Variants in POC1A observed in about 807,000 individuals in gnomAD.
POC1A encodes the protein POC1 centriolar protein A, also known as POC1 centriolar protein homolog A.
A neutral mutation model predicts 47.8 loss-of-function variants in POC1A; 34 were observed. That is an observed-to-expected ratio of 0.71 (90% CI 0.54 to 0.95). The LOEUF (loss-of-function observed/expected upper bound fraction) is 0.95. Ranked by LOEUF, POC1A falls within the 40% of genes least tolerant of loss-of-function variation. POC1A has a pLI of 0.00. For missense variants in POC1A, 466 were observed against 528.3 expected (o/e 0.88, Z 1.16); for synonymous variants, 177 against 207.6 (o/e 0.85, Z 1.27).
intron 2 of POC1A, among the ~76,000 whole-genome samples, chr3:52,150,761 G>C (rs570385380): frequency 1.8e-4 from 27 of 152,150 alleles, no homozygotes; most frequent in Admixed American, 6.5e-4. Context: ...AAAAGACCCA[G>C]ATCCCAGTCC....
chr3:52,081,228 C>G (rs1346709109), intron 10 of POC1A, among the ~76,000 whole-genome samples: 1 of 152,228 alleles, frequency 6.6e-6, no homozygotes, highest in Non-Finnish European at 1.5e-5. Flanking sequence ...GACACGCCTG[C>G]TGGCTTCCGT....
At position 52,090,406 on chromosome 3, in the gene POC1A, CT is replaced by C. The variant is rs1435024219; in HGVS notation, c.1125+6162del. The stretch of plus-strand genomic sequence containing the variant: ...GCGTGTTGGGCCTATGCCGGGCCCC[CT>C]CACAGCAGCCTCCCCAGCTCCTGGG... On this transcript the variant is annotated intron_variant, in intron 10 of 10. Coordinates refer to ENST00000296484, the MANE Select transcript of POC1A (RefSeq NM_015426.5). This position sits in a 1 kb window ranked among gnomAD's most constrained non-coding sequence, Gnocchi z 4.2. Among the ~76,000 whole-genome samples, 1 of 152,254 alleles carries C rather than the reference CT, an allele frequency of 6.6e-6. No homozygotes were observed.
At chr3:52,140,319 G>A (rs1205740683) in intron 6 of POC1A, among the ~76,000 whole-genome samples, 1 of 152,216 alleles carries the variant, frequency 6.6e-6, no homozygotes, top group African/African-American at 2.4e-5. Context: ...AGAGGGACCA[G>A]TGGGGTCTCT....
intron 9 of POC1A, among the ~76,000 whole-genome samples, chr3:52,115,038 G>A (rs1201789813): frequency 6.6e-6 from 1 of 152,202 alleles, no homozygotes; most frequent in Non-Finnish European, 1.5e-5. Context: ...AGCTTGAGGC[G>A]TCGGGGGTTT....
intron 2 of POC1A, among the ~76,000 whole-genome samples, chr3:52,150,197 C>T (rs1698512767): frequency 6.6e-6 from 1 of 152,210 alleles, no homozygotes; most frequent in Admixed American, 6.5e-5. Context: ...CCAAGGAGCA[C>T]ACCCACATGG....
chr3:52,120,915 C>T (rs935187610), intron 9 of POC1A, among the ~76,000 whole-genome samples: 7 of 152,240 alleles, frequency 4.6e-5, no homozygotes, highest in African/African-American at 1.7e-4. Context: ...ACATGGGATT[C>T]TCCCCCAGCT....
At chr3:52,137,495 G>A (rs1295962198) in intron 7 of POC1A, among the ~76,000 whole-genome samples, 2 of 152,068 alleles carry the variant, frequency 1.3e-5, no homozygotes, top group African/African-American at 2.4e-5. Context: ...TCTGACGACC[G>A]CTCTGATCAG....
chr3:52,151,601 A>T (rs1393402484), intron 1 of POC1A, among the ~76,000 whole-genome samples: 2 of 143,694 alleles, frequency 1.4e-5, no homozygotes, highest in East Asian at 4.1e-4. Flanking sequence ...ACAGAGCGAG[A>T]CTCCGTCTCA....
At chr3:52,130,001 C>A (rs2107125563) in intron 7 of POC1A, among the ~76,000 whole-genome samples, 1 of 152,334 alleles carries the variant, frequency 6.6e-6, no homozygotes, top group South Asian at 2.1e-4. Flanking sequence ...CGCTCTGCTG[C>A]TCCGGCAGCT....
Position 52,079,449 on chromosome 3 carries a change from TCCC to T in POC1A, c.1126-3467_1126-3465del, listed in dbSNP as rs1301448229. On this transcript the variant is annotated intron_variant, in intron 10 of 10. Coordinates refer to ENST00000296484, the MANE Select transcript of POC1A (RefSeq NM_015426.5). The surrounding 1 kb of genome is among the most constrained non-coding windows in gnomAD (Gnocchi z 4.6). ...TCTGCAGGCAAATACCTCTGCGGCCTCCCCGGGTCCACACTCCATGGCCTGGAA... is the reference window on the plus strand; with the variant it reads ...TCTGCAGGCAAATACCTCTGCGGCCTCGGGTCCACACTCCATGGCCTGGAA... Among the ~76,000 whole-genome samples, 2 of 152,188 alleles carry T rather than the reference TCCC, an allele frequency of 1.3e-5. No individual in the cohort carries two copies. The highest frequency in any genetic ancestry group is 2.1e-4 in the South Asian group (1 of 4,832).
At chr3:52,116,262 A>G (rs1703561363) in intron 9 of POC1A, among the ~76,000 whole-genome samples, 2 of 152,334 alleles carry the variant, frequency 1.3e-5, no homozygotes, top group Non-Finnish European at 2.9e-5. Context: ...GCAGTGCCCC[A>G]AAAATGGAAA....
chr3:52,102,563 G>A (rs1220435745), intron 9 of POC1A, among the ~76,000 whole-genome samples: 4 of 152,332 alleles, frequency 2.6e-5, no homozygotes, highest in Admixed American at 6.5e-5. Flanking sequence ...CTCACCTTGA[G>A]ATTCTTAATT....
At chr3:52,097,620 C>G (rs984838520) in intron 9 of POC1A, among the ~76,000 whole-genome samples, 1 of 152,208 alleles carries the variant, frequency 6.6e-6, no homozygotes, top group Non-Finnish European at 1.5e-5. Context: ...AGCACATGGA[C>G]CCTACCTGCA....
chr3:52,123,487 C>A (rs147552468), intron 8 of POC1A, among the ~76,000 whole-genome samples: 16 of 152,296 alleles, frequency 1.1e-4, no homozygotes, highest in African/African-American at 3.8e-4. Flanking sequence ...CCATCCCTGT[C>A]TGTCAGGACG....
intron 2 of POC1A, among the ~76,000 whole-genome samples, chr3:52,150,671 C>G (rs1698527486): frequency 6.6e-6 from 1 of 152,102 alleles, no homozygotes; most frequent in East Asian, 1.9e-4. Flanking sequence ...GCAACAGAAT[C>G]AGTAAAGCTT....
intron 9 of POC1A, among the ~76,000 whole-genome samples, chr3:52,097,816 T>C (rs1004754420): frequency 2.0e-5 from 3 of 152,242 alleles, no homozygotes; most frequent in African/African-American, 7.2e-5. Flanking sequence ...ATCATCAGCA[T>C]GTCGGCCACT....
chr3:52,137,677 G>A (rs1704526592), intron 7 of POC1A, among the ~76,000 whole-genome samples: 1 of 152,188 alleles, frequency 6.6e-6, no homozygotes, highest in South Asian at 2.1e-4. Context: ...CAGAAAGGAG[G>A]CCTTTGCTTC....
chr3:52,126,174 C>A (rs771241054), intron 7 of POC1A, among the ~76,000 whole-genome samples: 1 of 152,232 alleles, frequency 6.6e-6, no homozygotes, highest in Non-Finnish European at 1.5e-5. Context: ...GTGCAGGGAG[C>A]GGCAAGAGCC....
intron 9 of POC1A, among the ~76,000 whole-genome samples, chr3:52,104,621 C>T (rs1466711541): frequency 6.6e-6 from 1 of 152,264 alleles, no homozygotes; most frequent in African/African-American, 2.4e-5. Flanking sequence ...CTCCACTGGG[C>T]ATTACCAATG....
Sources: gnomAD v4.1 joint callset for allele counts (sites outside exome capture counted in the v4.1 genomes callset) on GRCh38, gnomAD v4.1.1 for gene constraint, Gnocchi (gnomAD v3.1) non-coding constraint, MANE v1.5 for transcripts, NCBI Gene and HGNC (gene_info 2026-07-23, HGNC 2026-07-21) for gene names.